Variants in FANCC observed in about 807,000 individuals in gnomAD.
FANCC encodes the protein FA complementation group C, also known as Fanconi anemia group C protein.
Under a neutral mutation model 71.3 loss-of-function variants are expected in FANCC, and 55 were observed. The ratio of observed to expected loss-of-function variants is 0.77; its 90% CI spans 0.62 to 0.97. The LOEUF is 0.97. FANCC is among the 50% of genes least tolerant of loss of function. The pLI, the probability that FANCC is intolerant of heterozygous loss-of-function variation, is 0.00. For missense variants in FANCC, 678 were observed against 670.9 expected, an observed-to-expected ratio of 1.01 and a Z score of -0.12; for synonymous variants, 275 against 244.9, an observed-to-expected ratio of 1.12 and a Z score of -1.15.
chr9:95,148,812 A>T (rs1197010590), intron 7 of FANCC, among the ~76,000 whole-genome samples: 1 of 152,242 alleles, frequency 6.6e-6, no homozygotes, highest in Non-Finnish European at 1.5e-5. Context: ...ATAATTTCAG[A>T]TTCCACATTG....
intron 6 of FANCC, among the ~76,000 whole-genome samples, chr9:95,160,677 G>C (rs550929544): frequency 6.6e-6 from 1 of 152,046 alleles, no homozygotes; most frequent in Non-Finnish European, 1.5e-5. Flanking sequence ...ATGTTCTTCC[G>C]TTTGTTTGTG....
intron 7 of FANCC, among the ~76,000 whole-genome samples, chr9:95,137,212 G>C (rs1827829101): frequency 6.6e-6 from 1 of 152,158 alleles, no homozygotes; most frequent in South Asian, 2.1e-4. Context: ...TGGGTCCAGG[G>C]ACAGGAAGGG....
intron 14 of FANCC, 27 bp from the exon 15 acceptor site, chr9:95,101,877 A>G: frequency 1.2e-6 from 2 of 1,613,326 alleles, no homozygotes; most frequent in Non-Finnish European, 8.5e-7. Flanking sequence ...AGAGAAGGCA[A>G]ATTAAAACAC....
intron 4 of FANCC, among the ~76,000 whole-genome samples, chr9:95,214,405 C>A (rs1295385850): frequency 6.6e-6 from 1 of 152,052 alleles, no homozygotes; most frequent in Non-Finnish European, 1.5e-5. Flanking sequence ...GCACTCTAGC[C>A]TGGGAAACAC....
chr9:95,108,438 T>C (rs2071632063), intron 13 of FANCC, among the ~76,000 whole-genome samples: 2 of 152,208 alleles, frequency 1.3e-5, no homozygotes, highest in Non-Finnish European at 2.9e-5. Context: ...TTATATCTGT[T>C]TTTTCTCTTG....
chr9:95,211,600 G>A (rs1018497513), intron 4 of FANCC, among the ~76,000 whole-genome samples: 5 of 152,012 alleles, frequency 3.3e-5, no homozygotes, highest in Admixed American at 1.3e-4. Flanking sequence ...AATGTCTGCC[G>A]GGATAAAACA....
intron 7 of FANCC, among the ~76,000 whole-genome samples, chr9:95,138,250 G>A (rs1421010677): frequency 2.0e-5 from 3 of 152,254 alleles, no homozygotes; most frequent in Non-Finnish European, 4.4e-5. Context: ...CGTTGGCTCT[G>A]AGGAGGGGTG....
intron 1 of FANCC, among the ~76,000 whole-genome samples, chr9:95,311,482 C>A (rs1835400707): frequency 6.6e-6 from 1 of 152,178 alleles, no homozygotes; most frequent in South Asian, 2.1e-4. Context: ...GCAAAAGTGT[C>A]TGGCAATTCC....
chr9:95,126,871 A>G, intron 8 of FANCC: 1 of 400,932 alleles, frequency 2.5e-6, no homozygotes. Flanking sequence ...AGTAAGTATT[A>G]GAGAAACTTT....
chr9:95,294,261 C>A lies in FANCC; in HGVS notation c.-79+23265G>T, dbSNP rs1386660030. 1.3e-5 allele frequency: 20 copies of A among 1,579,220 alleles called. No homozygotes were observed. In the East Asian group the frequency reaches 3.4e-4, roughly 27 times the overall value. The stretch of plus-strand genomic sequence containing the variant: ...GAATCAATTTTGATATTGAAGAGTT[C>A]TTTTCGGCCTCACATATCCAGACTC... On this transcript the variant is annotated intron_variant, in intron 1 of 14. Transcript: ENST00000289081.
chr9:95,309,131 T>C (rs1293015699), intron 1 of FANCC, among the ~76,000 whole-genome samples: 2 of 152,230 alleles, frequency 1.3e-5, no homozygotes, highest in African/African-American at 4.8e-5. Flanking sequence ...ACTGGCTGCA[T>C]AGTTTCAAAA....
chr9:95,144,785 A>G (rs950599171), intron 7 of FANCC, among the ~76,000 whole-genome samples: 2 of 152,286 alleles, frequency 1.3e-5, no homozygotes, highest in South Asian at 2.1e-4. Flanking sequence ...TGGTGTGATC[A>G]GTGGTGGGGC....
In FANCC at chr9:95,111,528, G is replaced by T. The variant is rs756716463; in HGVS notation, c.1264C>A (p.Leu422Met). ...LMSAAEPPTALLWLLAFYYGP... is the reference protein window; with the variant it reads ...LMSAAEPPTAMLWLLAFYYGP... ...TAGTAGAAGGCCAAGAGCCACAGCA[G>T]GGCCGTGGGGGGTTCGGCTGCCGAC... The change falls in exon 13 of 15, where the codon CTG becomes ATG. Residue 422 changes from leucine to methionine, a missense_variant. Physicochemically the swap from Leu to Met is conservative, Grantham distance 15. Coordinates refer to ENST00000289081, the MANE Select transcript of FANCC (RefSeq NM_000136.3). 4.3e-5 allele frequency: 70 copies of T among 1,614,150 alleles called. 1 individual carries two copies. The South Asian group carries it at 7.6e-4, about 17-fold the overall frequency.
At chr9:95,244,222 T>C (rs1830804152) in intron 3 of FANCC, among the ~76,000 whole-genome samples, 1 of 152,212 alleles carries the variant, frequency 6.6e-6, no homozygotes, top group South Asian at 2.1e-4. Flanking sequence ...CAGCAGGGGC[T>C]CTCCTGAGAA....
chr9:95,112,500 A>C (rs2072027345), intron 12 of FANCC, among the ~76,000 whole-genome samples: 1 of 152,178 alleles, frequency 6.6e-6, no homozygotes, highest in Non-Finnish European at 1.5e-5. Context: ...AATGTTCTAC[A>C]TTTGAGCAAC....
chr9:95,106,951 G>C (rs2071496797), intron 14 of FANCC, 115 bp downstream of exon 14: 1 of 1,016,248 alleles, frequency 9.8e-7, no homozygotes, highest in East Asian at 2.6e-5. Context: ...ATTTATCTGT[G>C]CTGGGCAGCA....
intron 4 of FANCC, among the ~76,000 whole-genome samples, chr9:95,221,804 T>G (rs1255327801): frequency 6.6e-6 from 1 of 152,114 alleles, no homozygotes; most frequent in Admixed American, 6.5e-5. Context: ...CAAAACCACT[T>G]TGAGAGACTG....
At chr9:95,242,177 T>C (rs917949977) in intron 3 of FANCC, among the ~76,000 whole-genome samples, 2 of 152,168 alleles carry the variant, frequency 1.3e-5, no homozygotes, top group African/African-American at 4.8e-5. Context: ...TTCATTTTTT[T>C]CCCCTAGCTT....
Position 95,126,056 on chromosome 9 carries a change from A to G in FANCC, c.896+473T>C, listed in dbSNP as rs4647514. Among the ~76,000 whole-genome samples, 506 of 152,344 alleles carry G rather than the reference A, an allele frequency of 3.3e-3. 9 individuals carry two copies. In the East Asian group the frequency reaches 0.043, roughly 13 times the overall value. Reference sequence around the variant, plus strand: ...GAAGTACTCATATTTTCAAAATAAAAATGTAATGTGTTGTAAGAGAACATG... The same window carrying G: ...GAAGTACTCATATTTTCAAAATAAAGATGTAATGTGTTGTAAGAGAACATG... On this transcript the variant is annotated intron_variant, in intron 9 of 14. Transcript: ENST00000289081.
Sources: gnomAD v4.1 joint callset for allele counts (sites outside exome capture counted in the v4.1 genomes callset) on GRCh38, gnomAD v4.1.1 for gene constraint, MANE v1.5 for transcripts, NCBI Gene and HGNC (gene_info 2026-07-23, HGNC 2026-07-21) for gene names.